The following HS3ST4 variants were observed in gnomAD, a reference collection of about 807,000 sequenced individuals.
HS3ST4 encodes the protein heparan sulfate-glucosamine 3-sulfotransferase 4.
Under a neutral mutation model 29.2 loss-of-function variants are expected in HS3ST4, and 17 were observed. The observed-to-expected ratio is 0.58, with a 90% CI of 0.40 to 0.87. HS3ST4 has a LOEUF of 0.87. Among genes scored for constraint, HS3ST4 ranks in the 40% least tolerant of loss-of-function variants. HS3ST4 has a pLI of 0.00. For synonymous variants in HS3ST4, 314 were observed against 285.7 expected (o/e 1.10, Z -1.00); for missense variants, 627 against 634.5 (o/e 0.99, Z 0.13).
intron 1 of HS3ST4, among the ~76,000 whole-genome samples, chr16:25,822,740 T>A (rs535503109): frequency 6.6e-6 from 1 of 152,096 alleles, no homozygotes; most frequent in South Asian, 2.1e-4. Flanking sequence ...GGATTACTTT[T>A]TTTTTTTGTT....
At chr16:25,995,794 T>C (rs1329962297) in intron 1 of HS3ST4, among the ~76,000 whole-genome samples, 1 of 152,154 alleles carries the variant, frequency 6.6e-6, no homozygotes, top group Non-Finnish European at 1.5e-5. Flanking sequence ...TAAAAACACA[T>C]ACTTACTCTG....
intron 1 of HS3ST4, among the ~76,000 whole-genome samples, chr16:25,969,587 C>T (rs1255083821): frequency 6.6e-6 from 1 of 152,170 alleles, no homozygotes; most frequent in African/African-American, 2.4e-5. Context: ...TGAGATATGG[C>T]CTGGGACAAC....
chr16:25,731,344 T>G (rs887765628), intron 1 of HS3ST4, among the ~76,000 whole-genome samples: 1 of 152,192 alleles, frequency 6.6e-6, no homozygotes, highest in African/African-American at 2.4e-5. Flanking sequence ...CTCTTATTTT[T>G]TCTTTTTTCT....
intron 1 of HS3ST4, among the ~76,000 whole-genome samples, chr16:26,073,209 G>A (rs1226049278): frequency 6.6e-6 from 1 of 152,172 alleles, no homozygotes; most frequent in East Asian, 1.9e-4. Flanking sequence ...TTTCACAGCA[G>A]CCTTTAGAAA....
chr16:25,995,185 A>G (rs887102011), intron 1 of HS3ST4, among the ~76,000 whole-genome samples: 2 of 152,136 alleles, frequency 1.3e-5, no homozygotes, highest in African/African-American at 4.8e-5. Context: ...TGGCTTTATC[A>G]CTTCTTATCT....
intron 1 of HS3ST4, among the ~76,000 whole-genome samples, chr16:25,794,899 A>G (rs200076109): frequency 0.22 from 10,764 of 48,104 alleles, 452 homozygotes; most frequent in East Asian, 0.33. Flanking sequence ...TCAAGAATAC[A>G]CACACACACA....
At chr16:25,877,042 G>T (rs1240613933) in intron 1 of HS3ST4, among the ~76,000 whole-genome samples, 2 of 151,766 alleles carry the variant, frequency 1.3e-5, no homozygotes, top group African/African-American at 4.8e-5. Flanking sequence ...AATGTTTATC[G>T]AATGAAAGGA....
At chr16:25,846,047 A>G (rs572573838) in intron 1 of HS3ST4, among the ~76,000 whole-genome samples, 1 of 152,326 alleles carries the variant, frequency 6.6e-6, no homozygotes, top group East Asian at 1.9e-4. Context: ...TTCTTCCACA[A>G]TGAGAAGCCT....
chr16:25,856,721 G>A (rs1967577186), intron 1 of HS3ST4, among the ~76,000 whole-genome samples: 1 of 152,188 alleles, frequency 6.6e-6, no homozygotes, highest in East Asian at 1.9e-4. Context: ...TGCATTCAAA[G>A]CAGTCCTGAA....
chr16:25,723,743 C>T (rs1018529593), intron 1 of HS3ST4, among the ~76,000 whole-genome samples: 2 of 152,190 alleles, frequency 1.3e-5, no homozygotes, highest in African/African-American at 4.8e-5. Flanking sequence ...ATACTTTTCT[C>T]CCATCATTCT....
intron 1 of HS3ST4, among the ~76,000 whole-genome samples, chr16:26,002,941 A>AT (rs138032844): frequency 0.019 from 2,668 of 138,922 alleles, 34 homozygotes; most frequent in African/African-American, 0.038. Context: ...GCATTCTTAC[A>AT]TTTTTTTTTT....
At chr16:25,767,690 T>G (rs1287937013) in intron 1 of HS3ST4, among the ~76,000 whole-genome samples, 1 of 152,182 alleles carries the variant, frequency 6.6e-6, no homozygotes, top group East Asian at 1.9e-4. Context: ...TATGGGATAC[T>G]GATAACTTCT....
At chr16:25,960,775 G>A (rs769254158) in intron 1 of HS3ST4, among the ~76,000 whole-genome samples, 2 of 152,192 alleles carry the variant, frequency 1.3e-5, no homozygotes, top group Non-Finnish European at 2.9e-5. Context: ...GATAATAAAT[G>A]TTAAAAATCA....
chr16:26,055,910 T>G (rs529086770), intron 1 of HS3ST4, among the ~76,000 whole-genome samples: 20 of 152,130 alleles, frequency 1.3e-4, no homozygotes, highest in African/African-American at 4.8e-4. Context: ...AATGACCTGC[T>G]TGTCTGTTTA....
chr16:25,704,794 G>A (rs971780600), intron 1 of HS3ST4, among the ~76,000 whole-genome samples: 1 of 150,688 alleles, frequency 6.6e-6, no homozygotes, highest in Non-Finnish European at 1.5e-5. Flanking sequence ...CAGGAGAATC[G>A]CTTGAACCCA....
rs909567709 is a variant in HS3ST4 at position 25,699,184 on chromosome 16, C to T, written c.734+6033C>T. 4.6e-5 allele frequency among the ~76,000 whole-genome samples: 7 copies of T among 152,198 alleles called. No homozygotes were observed. The East Asian group carries it at 5.8e-4, about 13-fold the overall frequency. On this transcript the variant is annotated intron_variant, in intron 1 of 1. Transcript: ENST00000331351. ...GGTTTAAACTCATTTCAGAAAACAA[C>T]GGACATGCCCATACCCTGTGTACCC...
chr16:26,103,609 C>T (rs1259211430), intron 1 of HS3ST4, among the ~76,000 whole-genome samples: 1 of 152,152 alleles, frequency 6.6e-6, no homozygotes, highest in Non-Finnish European at 1.5e-5. Context: ...TTCAAAGGAA[C>T]CTATCTGGCT....
chr16:26,120,827 T>C (rs975707646), intron 1 of HS3ST4, among the ~76,000 whole-genome samples: 3 of 152,206 alleles, frequency 2.0e-5, no homozygotes, highest in Non-Finnish European at 4.4e-5. Flanking sequence ...AAGAGGAAAG[T>C]TCATTTTAAG....
At chr16:26,055,789 T>G (rs913945242) in intron 1 of HS3ST4, among the ~76,000 whole-genome samples, 1 of 152,164 alleles carries the variant, frequency 6.6e-6, no homozygotes, top group South Asian at 2.1e-4. Flanking sequence ...AATATGCTGA[T>G]ATATTGTAGC....
Sources: allele counts gnomAD v4.1 joint callset (sites outside exome capture counted in the v4.1 genomes callset), GRCh38; gene constraint gnomAD v4.1.1; transcripts MANE v1.5; gene names NCBI Gene and HGNC (gene_info 2026-07-23, HGNC 2026-07-21).